RASEF: variants seen among roughly 807,000 people sequenced by gnomAD.
RASEF encodes the protein RAS and EF-hand domain containing.
A neutral mutation model predicts 90.1 loss-of-function variants in RASEF; 68 were observed. The ratio of observed to expected loss-of-function variants is 0.75; its 90% CI spans 0.62 to 0.92. The LOEUF (loss-of-function observed/expected upper bound fraction) is 0.92. Among genes scored for constraint, RASEF ranks in the 40% least tolerant of loss-of-function variants. The probability of loss-of-function intolerance (pLI) is 0.00; values close to 1 mark genes in which losing one functional copy is unlikely to be tolerated. For synonymous variants in RASEF, 331 were observed against 345.2 expected (o/e 0.96, Z 0.46); for missense variants, 949 against 937.2 (o/e 1.01, Z -0.16).
At chr9:83,211,448 G>A in the RASEF span, among the ~76,000 whole-genome samples, 1 of 152,154 alleles carries the variant, frequency 6.6e-6, no homozygotes, top group Non-Finnish European at 1.5e-5. Context: ...AACTCCCAAA[G>A]GGTCTGGTTT....
rs771202053 is a variant in RASEF at position 83,062,655 on chromosome 9, G to C, written c.213C>G (p.Phe71Leu). ...AITFQEFARG[F>L]LGSLRGGRRR... ...GCCGCCCCCCGCGGAGGGACCCGAG[G>C]AAGCCACGCGCGAACTCCTGGAAGG... Residue 71 changes from phenylalanine to leucine, a missense_variant, in exon 1 of 17, where the codon TTC (phenylalanine) becomes TTG (leucine). Physicochemically the swap from Phe to Leu is conservative, Grantham distance 22 (BLOSUM62 0). Around this residue, in one of 3 missense-constraint regions of RASEF, gnomAD observed 656 missense variants for 592.2 expected, o/e 1.11. Coordinates refer to ENST00000376447, the MANE Select transcript of RASEF (RefSeq NM_152573.4). The C allele has an allele frequency of 6.4e-7, 1 of 1,566,260 alleles. No homozygotes were observed. Among genetic ancestry groups the C allele is most frequent in the South Asian group, 1.2e-5 (1 of 86,758 alleles).
intron 6 of RASEF, 123 bp from the exon 7 acceptor site, chr9:83,007,628 A>G (rs1166594173): frequency 2.8e-6 from 2 of 725,818 alleles, no homozygotes; most frequent in South Asian, 1.6e-5. Context: ...ACAGTTTTCT[A>G]TCTTTCCCGT....
At position 83,062,562 on chromosome 9, in the gene RASEF, G is replaced by T. The variant is rs779409903; in HGVS notation, c.306C>A (p.Ser102Arg). ...VSEAGPETHD[S>R]EEDEGDEDAA... ...CGTCCTCGTCGCCTTCGTCCTCCTCGCTGTCGTGTGTCTCCGGCCCCGCCT... is the reference window on the plus strand; with the variant it reads ...CGTCCTCGTCGCCTTCGTCCTCCTCTCTGTCGTGTGTCTCCGGCCCCGCCT... The change falls in exon 1 of 17, where the codon AGC becomes AGA. Residue 102 changes from serine (S) to arginine (R), a missense_variant. Transcript: ENST00000376447. The T allele has an allele frequency of 6.3e-7, 1 of 1,595,864 alleles. No homozygotes were observed.
chr9:83,031,716 T>C (rs1275170148), intron 1 of RASEF, among the ~76,000 whole-genome samples: 1 of 152,196 alleles, frequency 6.6e-6, no homozygotes, highest in Non-Finnish European at 1.5e-5. Flanking sequence ...GTTTTATTGC[T>C]ACAAGGATTA....
At chr9:83,114,105 C>T in the RASEF span, among the ~76,000 whole-genome samples, 3 of 152,064 alleles carry the variant, frequency 2.0e-5, no homozygotes, top group African/African-American at 7.2e-5. Context: ...TCAAGGACCC[C>T]GAATGGAGGG....
In RASEF at chr9:83,025,891, G is replaced by A. The variant is rs1388282792; in HGVS notation, c.462C>T (p.Asn154=). Residue 154 remains asparagine, a synonymous_variant, in exon 2 of 17, where the codon AAC becomes AAT. Coordinates refer to ENST00000376447, the MANE Select transcript of RASEF (RefSeq NM_152573.4). ...TTAATCTTGGCTCCACAAGGTTGAT[G>A]TTTTGGTACAAGGTACTAACTTGCT... ...REEQVSTLYQ[N]INLVEPRLIQ... is the part of the protein sequence containing the mutation. 6.2e-7 allele frequency: 1 copy of A among 1,613,290 alleles called. No individual in the cohort carries two copies. The highest frequency in any genetic ancestry group is 8.5e-7 in the Non-Finnish European group (1 of 1,179,514).
At chr9:83,045,656 G>A (rs145631130) in intron 1 of RASEF, among the ~76,000 whole-genome samples, 11 of 152,322 alleles carry the variant, frequency 7.2e-5, no homozygotes, top group African/African-American at 2.6e-4. Context: ...TTTGTGCCTT[G>A]CTGGAGCTTC....
chr9:83,216,462 G>A, the RASEF span, among the ~76,000 whole-genome samples: 1 of 152,234 alleles, frequency 6.6e-6, no homozygotes, highest in Non-Finnish European at 1.5e-5. Flanking sequence ...GAGGATGCAG[G>A]CCCCAATCCT....
At position 83,000,876 on chromosome 9, in the gene RASEF, C is replaced by T. The variant is rs1829023292; in HGVS notation, c.1437+20G>A. 6.3e-7 allele frequency: 1 copy of T among 1,581,292 alleles called. No individual in the cohort carries two copies. The highest frequency in any genetic ancestry group is 2.2e-5 in the East Asian group (1 of 44,708). On this transcript the variant is annotated intron_variant, in intron 10 of 16. Transcript: ENST00000376447. ...CAATCACGTAGAAGGCCTAGGAGAG[C>T]AGTGGTTTCTGGGGCTTACATCTGT... is the stretch of plus-strand genomic sequence containing the variant.
intron 9 of RASEF, among the ~76,000 whole-genome samples, chr9:83,002,007 C>T (rs1407278817): frequency 6.6e-6 from 1 of 152,280 alleles, no homozygotes; most frequent in South Asian, 2.1e-4. Flanking sequence ...AAATTCACAT[C>T]AAATAAGAGA....
the RASEF span, among the ~76,000 whole-genome samples, chr9:83,195,339 G>A: frequency 6.6e-6 from 1 of 152,188 alleles, no homozygotes; most frequent in Non-Finnish European, 1.5e-5. Context: ...CCTGACAGAA[G>A]AGCAGGGGCA....
chr9:83,026,343 A>G (rs1051697495), intron 1 of RASEF, among the ~76,000 whole-genome samples: 56 of 152,326 alleles, frequency 3.7e-4, no homozygotes, highest in African/African-American at 1.3e-3. Context: ...ACTGCTATAA[A>G]GAAATACCCA....
chr9:82,995,849 A>T (rs926643355), intron 14 of RASEF, among the ~76,000 whole-genome samples: 1 of 152,114 alleles, frequency 6.6e-6, no homozygotes, highest in African/African-American at 2.4e-5. Flanking sequence ...TCTATTCCTA[A>T]CCACTAAATA....
In RASEF at chr9:82,980,655, C is replaced by T. The variant is rs567100168; in HGVS notation, c.*2022G>A. 1.3e-5 allele frequency: 2 copies of T among 152,272 alleles called. No individual in the cohort carries two copies. Among genetic ancestry groups the T allele is most frequent in the East Asian group, 3.9e-4 (2 of 5,180 alleles). 9.4% of individuals were successfully genotyped at this position (152,272 alleles called of 1,614,324 possible). A position where few individuals can be genotyped will look rare whatever the true frequency, so the allele number is the denominator to read the frequency against. On this transcript the variant is annotated 3_prime_UTR_variant, in exon 17 of 17. Coordinates refer to ENST00000376447, the MANE Select transcript of RASEF (RefSeq NM_152573.4). ...ACAGTTTTGTGCAACTGCACCAAAA[C>T]CTAAACATGTGTCCCATATATCAGC...
chr9:83,054,951 T>G (rs1830075690), intron 1 of RASEF: 2 of 147,866 alleles, frequency 1.4e-5, no homozygotes, highest in African/African-American at 5.1e-5. Flanking sequence ...TCTTCAAAGC[T>G]GTCAGACAGG....
chr9:83,058,343 C>T lies in RASEF; in HGVS notation c.431+4094G>A, dbSNP rs532937227. Reference sequence around the variant, plus strand: ...GACTACAGGTGCCCGCTACCACGCCCGGCTAATTTTTTGTATTTTTAGTAG... The same window carrying T: ...GACTACAGGTGCCCGCTACCACGCCTGGCTAATTTTTTGTATTTTTAGTAG... On this transcript the variant is annotated intron_variant, in intron 1 of 16. Transcript: ENST00000376447. 3.3e-5 allele frequency among the ~76,000 whole-genome samples: 5 copies of T among 150,758 alleles called. No individual in the cohort carries two copies. The South Asian group carries it at 6.2e-4, about 19-fold the overall frequency.
chr9:83,161,106 C>T, the RASEF span, among the ~76,000 whole-genome samples: 2 of 152,196 alleles, frequency 1.3e-5, no homozygotes, highest in African/African-American at 4.8e-5. Context: ...TGAGCCCCCC[C>T]CACAGAGTCC....
the RASEF span, among the ~76,000 whole-genome samples, chr9:83,094,169 C>A: frequency 6.8e-6 from 1 of 145,994 alleles, no homozygotes; most frequent in East Asian, 1.9e-4. Flanking sequence ...TCCTGTTCCA[C>A]AAGATCCTAT....
the RASEF span, among the ~76,000 whole-genome samples, chr9:83,144,378 A>AGGAAGGAAG: frequency 6.0e-4 from 35 of 58,082 alleles, no homozygotes; most frequent in South Asian, 7.8e-4. Context: ...AAAGAAAGAA[A>AGGAAGGAAG]GAAAGAAAGA....
Sources: gnomAD v4.1 joint callset for allele counts (sites outside exome capture counted in the v4.1 genomes callset) on GRCh38, gnomAD v4.1.1 for gene constraint, gnomAD v4.1.1 regional missense constraint, MANE v1.5 for transcripts, NCBI Gene and HGNC (gene_info 2026-07-23, HGNC 2026-07-21) for gene names.